Variants in FLNC observed in about 807,000 individuals in gnomAD.
FLNC encodes the protein filamin C.
A neutral mutation model predicts 254.3 loss-of-function variants in FLNC; 91 were observed. That is an observed-to-expected ratio of 0.36 (90% CI 0.30 to 0.43). The LOEUF is 0.43. Among genes scored for constraint, FLNC ranks in the 20% least tolerant of loss-of-function variants. The pLI is 1.00. For missense variants in FLNC, 2,853 were observed against 3,802.6 expected, an observed-to-expected ratio of 0.75 and a Z score of 6.57; for synonymous variants, 1,430 against 1,577.2, an observed-to-expected ratio of 0.91 and a Z score of 2.21.
At position 128,853,401 on chromosome 7, in the gene FLNC, G is replaced by A. The variant is rs148146624; in HGVS notation, c.6209-68G>A. ...CATTCTGGGTGGAGCCTGCAGTCTG[G>A]GGAGAGGAAAGCATTGTGGCTTGGC... On this transcript the variant is annotated intron_variant, in intron 37 of 47. Coordinates refer to ENST00000325888, the MANE Select transcript of FLNC (RefSeq NM_001458.5). 5.2e-4 allele frequency: 825 copies of A among 1,593,930 alleles called. 4 individuals carry two copies. The African/African-American group carries it at 9.7e-3, about 19-fold the overall frequency.
At chr7:128,837,602 C>T (rs375465331) in intron 4 of FLNC, 35 bp from the exon 5 acceptor site, 7 of 1,613,518 alleles carry the variant, frequency 4.3e-6, no homozygotes, top group Non-Finnish European at 5.9e-6. Flanking sequence ...TGTAGGCTCT[C>T]CCTGAGTAAC....
chr7:128,850,040 C>A lies in FLNC; in HGVS notation c.5264C>A (p.Ala1755Asp). 1.3e-6 allele frequency: 2 copies of A among 1,553,016 alleles called. No homozygotes were observed. Among genetic ancestry groups the A allele is most frequent in the Non-Finnish European group, 8.7e-7 (1 of 1,155,024 alleles). Residue 1755 changes from alanine to aspartate, a missense_variant, in exon 31 of 48, where the codon GCT becomes GAT. Physicochemically the swap from Ala to Asp is moderately radical, Grantham distance 126 (BLOSUM62 -2). Transcript: ENST00000325888. Reference sequence around the variant, plus strand: ...GTGCCACAGCTGCGCCAGCCCTACGCTCCTCCCCGGCCCGGCGCCCGCCCC... The same window carrying A: ...GTGCCACAGCTGCGCCAGCCCTACGATCCTCCCCGGCCCGGCGCCCGCCCC... ...SEVPQLRQPY[A>D]PPRPGARPTH...
intron 26 of FLNC, 128 bp from the exon 27 acceptor site, chr7:128,848,433 C>A: frequency 9.6e-7 from 1 of 1,039,052 alleles, no homozygotes; most frequent in Non-Finnish European, 1.5e-6. Context: ...GAACTGGTCC[C>A]TCCTCCCTGC....
intron 28 of FLNC, 30 bp from the exon 29 acceptor site, chr7:128,849,151 G>C (rs745944133): frequency 4.0e-6 from 6 of 1,481,578 alleles, no homozygotes; most frequent in Non-Finnish European, 5.5e-6. Flanking sequence ...GTTGAGCACC[G>C]CCTGGCCTCA....
chr7:128,851,155 C>T, intron 33 of FLNC, 77 bp from the exon 34 acceptor site: 1 of 1,606,412 alleles, frequency 6.2e-7, no homozygotes. Flanking sequence ...AGGGAGGCTG[C>T]TGGAAGGTGC....
At chr7:128,850,278 A>G (rs1422377400) in intron 31 of FLNC, 106 bp from the exon 32 acceptor site, 10 of 1,074,892 alleles carry the variant, frequency 9.3e-6, no homozygotes, top group Admixed American at 1.7e-5. Context: ...CGCTGGTTTC[A>G]TGATTAACTA....
chr7:128,850,556 A>G (rs1585165721), intron 32 of FLNC, 73 bp downstream of exon 32: 2 of 1,374,288 alleles, frequency 1.5e-6, no homozygotes, highest in Non-Finnish European at 2.1e-6. Context: ...CTGTGTCTTA[A>G]TGATGAAAAC....
In FLNC at chr7:128,850,448, T is replaced by G. The variant is rs573899913; in HGVS notation, c.5363T>G (p.Val1788Gly). ...MESMLRPFNL[V>G]IPFAVQKGEL... ...TCCATGCTGAGGCCCTTCAACCTGG[T>G]CATCCCCTTCGCGGTGCAGAAAGGG... Residue 1788 changes from valine to glycine, a missense_variant, in exon 32 of 48, where the codon GTC becomes GGC. Physicochemically the swap from Val to Gly is moderately radical, Grantham distance 109. Transcript: ENST00000325888. 4.8e-5 allele frequency: 77 copies of G among 1,613,792 alleles called. 1 individual carries two copies. In the South Asian group the frequency reaches 5.8e-4, roughly 12 times the overall value.
Position 128,849,494 on chromosome 7 carries a change from C to A in FLNC, c.5115C>A (p.Tyr1705Ter). 1 of 1,614,226 alleles carries A rather than the reference C, an allele frequency of 6.2e-7. No homozygotes were observed. The highest frequency in any genetic ancestry group is 8.5e-7 in the Non-Finnish European group (1 of 1,180,038). Residue 1705 changes from tyrosine (Y) to a stop codon, truncating the protein, a stop_gained, in exon 30 of 48, where the codon TAC becomes TAA. Transcript: ENST00000325888. LOFTEE classifies it high-confidence loss of function. ...ACCATGACGGTACCTTTGACATCTA[C>A]TACACAGCGCCCGAGCCGGGCAAGT... is the stretch of plus-strand genomic sequence containing the variant. ...VENHDGTFDI[Y>*]YTAPEPGKYV...
At chr7:128,843,773 T>C in intron 18 of FLNC, 23 bp from the exon 19 acceptor site, 1 of 1,605,106 alleles carries the variant, frequency 6.2e-7, no homozygotes, top group Non-Finnish European at 8.5e-7. Flanking sequence ...TATCCAGTTC[T>C]GACCTACCAT....
At position 128,858,243 on chromosome 7, in the gene FLNC, C is replaced by T. The variant is rs761653374; in HGVS notation, c.7990+26C>T. On this transcript the variant is annotated intron_variant, in intron 47 of 47. Coordinates refer to ENST00000325888, the MANE Select transcript of FLNC (RefSeq NM_001458.5). The surrounding 1 kb of genome is among the most constrained non-coding windows in gnomAD (Gnocchi z 6.7). ...GCAGGTGGCGGGGGGAGGGCGTCTCCCGGGGTGTGAGCAAGAAGCCGTCAG... is the reference window on the plus strand; with the variant it reads ...GCAGGTGGCGGGGGGAGGGCGTCTCTCGGGGTGTGAGCAAGAAGCCGTCAG... 4.5e-6 allele frequency: 6 copies of T among 1,320,624 alleles called. No individual in the cohort carries two copies. The highest frequency in any genetic ancestry group is 6.5e-6 in the Non-Finnish European group (6 of 918,054). The allele number at this position is 1,320,624 out of a possible 1,614,324, so 81.8% of individuals were successfully genotyped here. A position where few individuals can be genotyped will look rare whatever the true frequency, so the allele number is the denominator to read the frequency against.
rs560313620 is a variant in FLNC, at chr7:128,840,446, C to T, written c.1550-102C>T. The T allele has an allele frequency of 1.4e-5, 21 of 1,530,064 alleles. 1 individual carries two copies. The highest frequency in any genetic ancestry group is 5.4e-5 in the African/African-American group (4 of 73,404). 94.8% of individuals were successfully genotyped at this position (1,530,064 alleles called of 1,614,324 possible). ...GCACTGCTCACTACAGCACTGCCCT[C>T]GGGCTGGGTCGGGGTCCCAATGGCT... On this transcript the variant is annotated intron_variant, in intron 9 of 47. Transcript: ENST00000325888.
At position 128,844,995 on chromosome 7, in the gene FLNC, C is replaced by G. The variant is rs2128936464; in HGVS notation, c.3530C>G (p.Thr1177Ser). ...RGKVGEAATFTVDCSEAGEAE... is the reference protein window; with the variant it reads ...RGKVGEAATFSVDCSEAGEAE... ...AAGGTCGGTGAGGCAGCCACCTTCA[C>G]TGTGGACTGCTCAGAGGCAGGCGAG... The change falls in exon 21 of 48, where the codon ACT becomes AGT. Residue 1177 changes from threonine (T) to serine (S), a missense_variant. Thr to Ser is a moderately conservative substitution (Grantham distance 58, BLOSUM62 1). Coordinates refer to ENST00000325888, the MANE Select transcript of FLNC (RefSeq NM_001458.5). 6.2e-7 allele frequency: 1 copy of G among 1,613,832 alleles called. No individual in the cohort carries two copies. Among genetic ancestry groups the G allele is most frequent in the East Asian group, 2.2e-5 (1 of 44,894 alleles).
Position 128,838,003 on chromosome 7 carries a change from A to T in FLNC, c.986A>T (p.Asn329Ile), listed in dbSNP as rs536935095. 1 of 1,613,914 alleles carries T rather than the reference A, an allele frequency of 6.2e-7. No homozygotes were observed. Among genetic ancestry groups the T allele is most frequent in the East Asian group, 2.2e-5 (1 of 44,894 alleles). ...GHTEEAKVVP[N>I]NDKDRTYAVS... ...TCCTAATAGGCTAAGGTGGTTCCCAACAATGACAAGGATCGCACCTATGCT... is the reference window on the plus strand; with the variant it reads ...TCCTAATAGGCTAAGGTGGTTCCCATCAATGACAAGGATCGCACCTATGCT... Residue 329 changes from asparagine to isoleucine, a missense_variant, in exon 6 of 48, where the codon AAC (asparagine) becomes ATC (isoleucine). Physicochemically the swap from Asn to Ile is moderately radical, Grantham distance 149. Coordinates refer to ENST00000325888, the MANE Select transcript of FLNC (RefSeq NM_001458.5).
intron 26 of FLNC, 108 bp from the exon 27 acceptor site, chr7:128,848,453 C>G (rs895114945): frequency 8.3e-7 from 1 of 1,208,826 alleles, no homozygotes; most frequent in Non-Finnish European, 1.2e-6. Context: ...CCCCACAGTC[C>G]TCCCTCCTGC....
At chr7:128,849,794 G>A (rs759999759) in intron 30 of FLNC, among the ~76,000 whole-genome samples, 182 bp from the exon 31 acceptor site, 2 of 152,228 alleles carry the variant, frequency 1.3e-5, no homozygotes, top group Non-Finnish European at 2.9e-5. Flanking sequence ...GCTGTCAGCT[G>A]TCTCTGGAGG....
In FLNC at chr7:128,830,979, C is replaced by T. The variant is rs368032737; in HGVS notation, c.342C>T (p.Leu114=). Residue 114 remains leucine (L), a synonymous_variant, in exon 1 of 48, where the codon CTC becomes CTT. Coordinates refer to ENST00000325888, the MANE Select transcript of FLNC (RefSeq NM_001458.5). ...TCCTCGAGCGCGAGCACATCAAGCTCGTGTCCATAGGTCAGTGCCGGGGGC... is the reference window on the plus strand; with the variant it reads ...TCCTCGAGCGCGAGCACATCAAGCTTGTGTCCATAGGTCAGTGCCGGGGGC... ...LEFLEREHIK[L]VSIDSKAIVD... 3.1e-6 allele frequency: 5 copies of T among 1,607,810 alleles called. No homozygotes were observed. The highest frequency in any genetic ancestry group is 2.5e-6 in the Non-Finnish European group (3 of 1,179,932).
At chr7:128,846,260 G>T (rs765009565) in intron 22 of FLNC, 41 bp from the exon 23 acceptor site, 2 of 1,612,882 alleles carry the variant, frequency 1.2e-6, no homozygotes, top group Non-Finnish European at 1.7e-6. Flanking sequence ...GGTGGTGGGG[G>T]CGCACACTCC....
rs1269156847 is a variant in FLNC, at chr7:128,859,270, G to C, written c.*747G>C. On this transcript the variant is annotated 3_prime_UTR_variant, in exon 48 of 48. Transcript: ENST00000325888. ...AAACTCCAAATAAAGTGCGGCTGTC[G>C]CAGAGGGTTGGCTGTTCCTTGGGGG... 6.5e-6 allele frequency: 1 copy of C among 152,758 alleles called. No individual in the cohort carries two copies. Among genetic ancestry groups the C allele is most frequent in the Non-Finnish European group, 1.5e-5 (1 of 68,136 alleles). 9.5% of individuals were successfully genotyped at this position (152,758 alleles called of 1,614,324 possible). A position where few individuals can be genotyped will look rare whatever the true frequency, so the allele number is the denominator to read the frequency against.
Sources: allele counts gnomAD v4.1 joint callset (sites outside exome capture counted in the v4.1 genomes callset), GRCh38; gene constraint gnomAD v4.1.1; non-coding constraint Gnocchi (gnomAD v3.1); transcripts MANE v1.5; gene names NCBI Gene and HGNC (gene_info 2026-07-23, HGNC 2026-07-21).